Variants in MTHFD1L observed in about 807,000 individuals in gnomAD.
MTHFD1L encodes monofunctional C1-tetrahydrofolate synthase, mitochondrial.
In MTHFD1L, 81 loss-of-function variants were observed where a neutral mutation model predicts 119.5. The ratio of observed to expected loss-of-function variants is 0.68; its 90% CI spans 0.57 to 0.82. The LOEUF is 0.82. Ranked by LOEUF, MTHFD1L falls within the 40% of genes least tolerant of loss-of-function variation. The pLI is 0.00. For synonymous variants in MTHFD1L, 430 were observed against 475.2 expected, an observed-to-expected ratio of 0.90 and a Z score of 1.24; for missense variants, 1,125 against 1,253.4, an observed-to-expected ratio of 0.90 and a Z score of 1.55.
chr6:150,914,090 A>G (rs1787436498), intron 8 of MTHFD1L, among the ~76,000 whole-genome samples: 1 of 152,200 alleles, frequency 6.6e-6, no homozygotes, highest in Non-Finnish European at 1.5e-5. Flanking sequence ...AGATCGCACC[A>G]CTGCACTCCA....
At chr6:150,964,878 C>T (rs1796971884) in intron 18 of MTHFD1L, 91 bp from the exon 19 acceptor site, 1 of 1,312,300 alleles carries the variant, frequency 7.6e-7, no homozygotes, top group Non-Finnish European at 1.1e-6. Flanking sequence ...GGACGCCCAC[C>T]CAAGAAGCAG....
intron 13 of MTHFD1L, among the ~76,000 whole-genome samples, chr6:150,941,431 G>A (rs1392420835): frequency 6.6e-6 from 1 of 152,168 alleles, no homozygotes; most frequent in African/African-American, 2.4e-5. Flanking sequence ...AATGCAGATT[G>A]AGTTTTATTA....
intron 27 of MTHFD1L, among the ~76,000 whole-genome samples, chr6:151,097,208 A>G (rs1395266756): frequency 1.3e-5 from 2 of 152,238 alleles, no homozygotes; most frequent in Non-Finnish European, 2.9e-5. Context: ...TCTTTATTGT[A>G]CTGTGCAAAG....
chr6:150,905,655 C>T lies in MTHFD1L; in HGVS notation c.786C>T (p.His262=), dbSNP rs984788447. The stretch of plus-strand genomic sequence containing the variant: ...TTTTTTCTTTCTCCTTTTAGCTTCA[C>T]GAGGCTGACATTGTGGTCCTAGGCT... ...WKTRQLQSKL[H]EADIVVLGSP... Residue 262 remains histidine, a synonymous_variant, in exon 8 of 28, where the codon CAC becomes CAT. Transcript: ENST00000367321. 9 of 1,613,360 alleles carry T rather than the reference C, an allele frequency of 5.6e-6. No homozygotes were observed. Among genetic ancestry groups the T allele is most frequent in the Admixed American group, 5.0e-5 (3 of 59,966 alleles).
chr6:151,056,329 G>C (rs527892299), intron 26 of MTHFD1L, among the ~76,000 whole-genome samples: 17 of 152,158 alleles, frequency 1.1e-4, no homozygotes, highest in Non-Finnish European at 2.1e-4. Context: ...AACCCTGCTG[G>C]CCAAGTGACT....
At chr6:151,012,033 A>C (rs1229116920) in intron 21 of MTHFD1L, among the ~76,000 whole-genome samples, 179 of 138,290 alleles carry the variant, frequency 1.3e-3, no homozygotes, top group African/African-American at 4.4e-3. Context: ...AAAAAAAAAA[A>C]AAAAAAAAAA....
chr6:151,074,319 C>A (rs1792283838), intron 26 of MTHFD1L, among the ~76,000 whole-genome samples: 1 of 152,082 alleles, frequency 6.6e-6, no homozygotes, highest in Non-Finnish European at 1.5e-5. Context: ...AAATAGTAAC[C>A]GCATGGATAG....
intron 24 of MTHFD1L, among the ~76,000 whole-genome samples, chr6:151,022,587 A>C (rs1003259025): frequency 1.3e-5 from 2 of 151,992 alleles, no homozygotes; most frequent in African/African-American, 4.8e-5. Context: ...GAAAAAACAC[A>C]CTCTAGGTTG....
chr6:150,923,544 C>CTTTTTTTT (rs61415562), intron 10 of MTHFD1L, among the ~76,000 whole-genome samples: 2 of 53,228 alleles, frequency 3.8e-5, no homozygotes, highest in African/African-American at 1.2e-4. Context: ...TTTATTTTTT[C>CTTTTTTTT]TTTTTTTTTT....
chr6:150,919,046 C>T (rs1052601156), intron 9 of MTHFD1L, among the ~76,000 whole-genome samples: 1 of 151,614 alleles, frequency 6.6e-6, no homozygotes, highest in Non-Finnish European at 1.5e-5. Context: ...TAAAGAAATA[C>T]CAGCTACTCA....
intron 26 of MTHFD1L, among the ~76,000 whole-genome samples, chr6:151,061,822 A>T (rs1289584278): frequency 6.6e-6 from 1 of 152,186 alleles, no homozygotes; most frequent in African/African-American, 2.4e-5. Context: ...AAAATGAGAA[A>T]ACTGAGTCCC....
At chr6:151,013,687 A>G in intron 21 of MTHFD1L, 92 bp from the exon 22 acceptor site, 1 of 1,196,940 alleles carries the variant, frequency 8.4e-7, no homozygotes, top group Non-Finnish European at 1.2e-6. Flanking sequence ...ACATTTCTAA[A>G]AATTGAATGT....
chr6:151,092,511 C>G lies in MTHFD1L; in HGVS notation c.2892C>G (p.Asp964Glu), dbSNP rs375263198. The G allele has an allele frequency of 1.3e-4, 204 of 1,614,052 alleles. No individual in the cohort carries two copies. Among genetic ancestry groups the G allele is most frequent in the Non-Finnish European group, 1.7e-4 (200 of 1,180,036 alleles). Residue 964 changes from aspartate to glutamate, a missense_variant, in exon 27 of 28, where the codon GAC (aspartate) becomes GAG (glutamate). Coordinates refer to ENST00000367321, the MANE Select transcript of MTHFD1L (RefSeq NM_015440.5). ...TGCCCACCCGGCCCTGCTTTTATGA[C>G]ATAGATCTTGATACCGAAACAGAAC... is the stretch of plus-strand genomic sequence containing the variant. Reference protein sequence around the residue: ...PGLPTRPCFYDIDLDTETEQV... With the variant: ...PGLPTRPCFYEIDLDTETEQV...
intron 26 of MTHFD1L, among the ~76,000 whole-genome samples, chr6:151,044,148 CTG>C (rs1248090656): frequency 6.6e-6 from 1 of 152,106 alleles, no homozygotes; most frequent in African/African-American, 2.4e-5. Flanking sequence ...AAGGGATACA[CTG>C]TGGAGGTCCC....
intron 26 of MTHFD1L, among the ~76,000 whole-genome samples, chr6:151,050,442 G>C (rs944137038): frequency 6.6e-6 from 1 of 152,196 alleles, no homozygotes; most frequent in African/African-American, 2.4e-5. Context: ...GATTACAGGC[G>C]TGAGCCACCG....
intron 7 of MTHFD1L, among the ~76,000 whole-genome samples, chr6:150,899,549 A>G (rs767403971): frequency 1.3e-5 from 2 of 152,232 alleles, no homozygotes; most frequent in Non-Finnish European, 2.9e-5. Flanking sequence ...TTATTTTAAC[A>G]TTCCTATTTA....
chr6:151,060,370 G>A (rs1389882164), intron 26 of MTHFD1L, among the ~76,000 whole-genome samples: 2 of 152,224 alleles, frequency 1.3e-5, no homozygotes, highest in Non-Finnish European at 2.9e-5. Context: ...TTATTGAGGA[G>A]TGCTGGGTAC....
intron 26 of MTHFD1L, chr6:151,055,137 G>A (rs922063278): frequency 6.6e-6 from 1 of 151,970 alleles, no homozygotes; most frequent in Non-Finnish European, 1.5e-5. Context: ...ATGGTGTTGG[G>A]TGCCTGTAAT....
intron 19 of MTHFD1L, among the ~76,000 whole-genome samples, chr6:150,968,077 C>G (rs1797486694): frequency 6.6e-6 from 1 of 152,106 alleles, no homozygotes; most frequent in African/African-American, 2.4e-5. Context: ...TCCTTCGCCT[C>G]CCTCTGTTCT....
Sources: gnomAD v4.1 joint callset for allele counts (sites outside exome capture counted in the v4.1 genomes callset) on GRCh38, gnomAD v4.1.1 for gene constraint, MANE v1.5 for transcripts, NCBI Gene and HGNC (gene_info 2026-07-23, HGNC 2026-07-21) for gene names.